The following KCNMA1 variants were observed in gnomAD, a reference collection of about 807,000 sequenced individuals.
The protein encoded by KCNMA1 is Calcium-activated potassium channel subunit alpha-1.
KCNMA1 carries 29 observed loss-of-function variants against 140.0 expected under a neutral mutation model. That is an observed-to-expected ratio of 0.21 (90% CI 0.15 to 0.28). KCNMA1 has a LOEUF of 0.28. Among genes scored for constraint, KCNMA1 ranks in the 10% least tolerant of loss-of-function variants. The pLI is 1.00. For synonymous variants in KCNMA1, 612 were observed against 611.9 expected, an observed-to-expected ratio of 1.00 and a Z score of 0.00; for missense variants, 880 against 1,602.2, an observed-to-expected ratio of 0.55 and a Z score of 7.70.
intron 19 of KCNMA1, among the ~76,000 whole-genome samples, chr10:76,995,985 T>C (rs1363243064): frequency 6.6e-6 from 1 of 152,184 alleles, no homozygotes; most frequent in Non-Finnish European, 1.5e-5. Flanking sequence ...TGCCTACTGT[T>C]CCCGTCTCCT....
intron 2 of KCNMA1, among the ~76,000 whole-genome samples, chr10:77,327,816 G>A (rs1447698128): frequency 6.6e-6 from 1 of 152,156 alleles, no homozygotes; most frequent in East Asian, 1.9e-4. Context: ...GACAAACCTG[G>A]CTTCTCTATG....
At chr10:77,184,642 G>T (rs993266108) in intron 4 of KCNMA1, among the ~76,000 whole-genome samples, 181 bp downstream of exon 4, 1 of 152,194 alleles carries the variant, frequency 6.6e-6, no homozygotes, top group Non-Finnish European at 1.5e-5. Flanking sequence ...CAAAACTGAT[G>T]TGAATTCCAG....
rs572677585 is a variant in KCNMA1 at position 77,285,887 on chromosome 10, T to G, written c.541-34631A>C. Among the ~76,000 whole-genome samples the G allele has an allele frequency of 7.9e-5, 12 of 152,302 alleles. No homozygotes were observed. In the East Asian group the frequency reaches 2.3e-3, roughly 29 times the overall value. ...TGTTCAGATGATTAGATGAGATGTGTGAAAAGTACTTACTTAGCACAGTGC... is the reference window on the plus strand; with the variant it reads ...TGTTCAGATGATTAGATGAGATGTGGGAAAAGTACTTACTTAGCACAGTGC... On this transcript the variant is annotated intron_variant, in intron 2 of 27. Transcript: ENST00000286628.
Position 77,629,047 on chromosome 10 carries a change from T to G in KCNMA1, c.378+8218A>C, listed in dbSNP as rs577641517. On this transcript the variant is annotated intron_variant, in intron 1 of 27. Transcript: ENST00000286628. ...AAAATAAAGGAGATGTGTTAAATAA[T>G]TTTGATTTTGGCCACGTGAAGAAGT... 1.8e-3 allele frequency among the ~76,000 whole-genome samples: 268 copies of G among 152,316 alleles called. 1 individual carries two copies. Among genetic ancestry groups the G allele is most frequent in the African/African-American group, 5.9e-3 (247 of 41,566 alleles).
At chr10:77,144,397 A>G (rs930131677) in intron 5 of KCNMA1, among the ~76,000 whole-genome samples, 1 of 152,164 alleles carries the variant, frequency 6.6e-6, no homozygotes, top group Non-Finnish European at 1.5e-5. Context: ...TGAAGCCAAG[A>G]TAGTGATTTT....
chr10:77,630,399 T>C (rs1255312442), intron 1 of KCNMA1, among the ~76,000 whole-genome samples: 3 of 152,148 alleles, frequency 2.0e-5, no homozygotes, highest in Admixed American at 1.3e-4. Flanking sequence ...GACCACACCC[T>C]GTAAACACTG....
At chr10:77,028,966 A>G (rs777801367) in intron 15 of KCNMA1, among the ~76,000 whole-genome samples, 9 of 152,228 alleles carry the variant, frequency 5.9e-5, no homozygotes, top group Non-Finnish European at 1.2e-4. Context: ...TCCAATAATA[A>G]GGCCATAAAG....
chr10:77,049,060 G>A lies in KCNMA1; in HGVS notation c.1750-9423C>T, dbSNP rs542369999. 2.6e-5 allele frequency among the ~76,000 whole-genome samples: 4 copies of A among 152,208 alleles called. No individual in the cohort carries two copies. In the South Asian group the frequency reaches 8.3e-4, roughly 32 times the overall value. On this transcript the variant is annotated intron_variant, in intron 14 of 27. Transcript: ENST00000286628. The stretch of plus-strand genomic sequence containing the variant: ...ATTACAGACGTGAGCCACCGCGCCC[G>A]GCCAGAACGTGATATTTAGTCACAG...
chr10:77,637,067 A>ACT (rs2093827721), intron 1 of KCNMA1, 198 bp downstream of exon 1: 8 of 1,357,844 alleles, frequency 5.9e-6, no homozygotes, highest in Non-Finnish European at 7.7e-6. Context: ...GGCTGGGGGC[A>ACT]ACTCCTCACC....
In KCNMA1 at chr10:77,542,994, T is replaced by A. The variant is rs1306620050; in HGVS notation, c.378+94271A>T. 3.9e-5 allele frequency among the ~76,000 whole-genome samples: 6 copies of A among 151,912 alleles called. No individual in the cohort carries two copies. The East Asian group carries it at 1.2e-3, about 29-fold the overall frequency. On this transcript the variant is annotated intron_variant, in intron 1 of 27. Coordinates refer to ENST00000286628, the MANE Select transcript of KCNMA1 (RefSeq NM_001161352.2). ...GAAAAAGAGCTATAAAACAGCAGCA[T>A]GAACAATCAAGACTCTCTCTCTTTC...
At chr10:77,231,720 T>C (rs186295036) in intron 3 of KCNMA1, among the ~76,000 whole-genome samples, 1 of 152,312 alleles carries the variant, frequency 6.6e-6, no homozygotes, top group Non-Finnish European at 1.5e-5. Flanking sequence ...ATCCTCTCAG[T>C]TGAGACCTAA....
At chr10:77,532,260 A>C (rs986163510) in intron 1 of KCNMA1, among the ~76,000 whole-genome samples, 30 of 152,206 alleles carry the variant, frequency 2.0e-4, no homozygotes, top group African/African-American at 7.2e-4. Flanking sequence ...AGGATCCCCC[A>C]AGCAGGCGTG....
At chr10:77,166,236 A>T (rs1225734507) in intron 5 of KCNMA1, among the ~76,000 whole-genome samples, 1 of 152,214 alleles carries the variant, frequency 6.6e-6, no homozygotes, top group African/African-American at 2.4e-5. Flanking sequence ...GTTGCTCCAG[A>T]CACCAAAACA....
intron 20 of KCNMA1, among the ~76,000 whole-genome samples, chr10:76,969,746 T>A (rs1173605845): frequency 1.3e-5 from 2 of 152,214 alleles, no homozygotes; most frequent in Non-Finnish European, 2.9e-5. Flanking sequence ...AAACAGCTTT[T>A]CAAACTGTTT....
chr10:77,511,930 G>T (rs35091810), intron 1 of KCNMA1, among the ~76,000 whole-genome samples: 22,946 of 152,186 alleles, frequency 0.15, 2,034 homozygotes, highest in Middle Eastern at 0.25. Context: ...AAAGCTTGCT[G>T]CAGATTTTAG....
intron 1 of KCNMA1, among the ~76,000 whole-genome samples, chr10:77,411,025 CAG>C (rs1232365764): frequency 6.6e-6 from 1 of 152,158 alleles, no homozygotes; most frequent in African/African-American, 2.4e-5. Context: ...TTGTTTTAGA[CAG>C]AGTCTTTCTC....
At chr10:77,355,632 G>T (rs2093409758) in intron 2 of KCNMA1, among the ~76,000 whole-genome samples, 1 of 152,220 alleles carries the variant, frequency 6.6e-6, no homozygotes, top group Non-Finnish European at 1.5e-5. Flanking sequence ...AGACAGAACG[G>T]AGAGATGGAA....
chr10:76,941,782 C>G (rs1298512142), intron 23 of KCNMA1, among the ~76,000 whole-genome samples: 1 of 152,142 alleles, frequency 6.6e-6, no homozygotes, highest in Non-Finnish European at 1.5e-5. Context: ...GCTCCTGTAA[C>G]AAACACCATA....
Position 77,018,995 on chromosome 10 carries a change from T to C in KCNMA1, c.2015+18A>G, listed in dbSNP as rs200136190. The C allele has an allele frequency of 5.9e-5, 85 of 1,444,198 alleles. No individual in the cohort carries two copies. In the Middle Eastern group the frequency reaches 8.7e-4, roughly 15 times the overall value. 89.5% of individuals were successfully genotyped at this position (1,444,198 alleles called of 1,614,324 possible). A position where few individuals can be genotyped will look rare whatever the true frequency, so the allele number is the denominator to read the frequency against. On this transcript the variant is annotated intron_variant, in intron 17 of 27. Transcript: ENST00000286628. ...ACAGCCGGGCCAGAAAGAAAGCCAG[T>C]TGAAAATAAACTCTTACCTTTTAAC...
Sources: gnomAD v4.1 joint callset for allele counts (sites outside exome capture counted in the v4.1 genomes callset) on GRCh38, gnomAD v4.1.1 for gene constraint, MANE v1.5 for transcripts, NCBI Gene and HGNC (gene_info 2026-07-23, HGNC 2026-07-21) for gene names.